The following KCTD9 variants were observed in gnomAD, a reference collection of about 807,000 sequenced individuals.
The protein encoded by KCTD9 is BTB/POZ domain-containing protein KCTD9.
A neutral mutation model predicts 53.3 loss-of-function variants in KCTD9; 17 were observed. The observed-to-expected ratio is 0.32, with a 90% CI of 0.22 to 0.48. The LOEUF is 0.48. Among genes scored for constraint, KCTD9 ranks in the 20% least tolerant of loss-of-function variants. The pLI is 0.99. For missense variants in KCTD9, 179 were observed against 465.5 expected (o/e 0.38, Z 5.66); for synonymous variants, 128 against 162.7 (o/e 0.79, Z 1.62).
intron 1 of KCTD9, among the ~76,000 whole-genome samples, chr8:25,453,515 T>C (rs1802373092): frequency 6.6e-6 from 1 of 151,440 alleles, no homozygotes. Flanking sequence ...TAGCCAGGTA[T>C]GGTGGCGGGC....
At chr8:25,433,991 T>C (rs1483381324) in intron 9 of KCTD9, among the ~76,000 whole-genome samples, 3 of 152,226 alleles carry the variant, frequency 2.0e-5, no homozygotes, top group Non-Finnish European at 2.9e-5. Context: ...GCTGGGTCTT[T>C]CTGCACCAAC....
At chr8:25,435,542 T>TAACTA (rs1802001097) in intron 8 of KCTD9, 30 bp from the exon 9 acceptor site, 1 of 1,570,234 alleles carries the variant, frequency 6.4e-7, no homozygotes, top group African/African-American at 1.4e-5. Flanking sequence ...ATTGTCACCA[T>TAACTA]AACTAAATCG....
At position 25,428,523 on chromosome 8, in the gene KCTD9, A is replaced by G. The variant is rs1257897921; in HGVS notation, c.*1334T>C. ...GATGAGTCTGTAGAATTCAGAACCCATTTGGACACAGCTAATATCCCTGCT... is the reference window on the plus strand; with the variant it reads ...GATGAGTCTGTAGAATTCAGAACCCGTTTGGACACAGCTAATATCCCTGCT... On this transcript the variant is annotated 3_prime_UTR_variant, in exon 12 of 12. Coordinates refer to ENST00000221200, the MANE Select transcript of KCTD9 (RefSeq NM_017634.4). The G allele has an allele frequency of 6.6e-6, 1 of 152,530 alleles. No homozygotes were observed. The highest frequency in any genetic ancestry group is 2.4e-5 in the African/African-American group (1 of 41,424). The allele number at this position is 152,530 out of a possible 1,614,324, so 9.4% of individuals were successfully genotyped here.
rs1281150056 is a variant in KCTD9 at position 25,456,770 on chromosome 8, AT to A, written c.48+1428del. On this transcript the variant is annotated intron_variant, in intron 1 of 11. Transcript: ENST00000221200. ...AATTTTTGACAACCAAATTGAGTGGATTTGGGAGAGATTTAGAGCAAAAATA... is the reference window on the plus strand; with the variant it reads ...AATTTTTGACAACCAAATTGAGTGGATTGGGAGAGATTTAGAGCAAAAATA... 5.3e-5 allele frequency among the ~76,000 whole-genome samples: 8 copies of A among 152,324 alleles called. No individual in the cohort carries two copies. In the South Asian group the frequency reaches 6.2e-4, roughly 12 times the overall value.
chr8:25,433,469 G>A, intron 9 of KCTD9, 34 bp from the exon 10 acceptor site: 2 of 1,316,418 alleles, frequency 1.5e-6, no homozygotes, highest in South Asian at 1.4e-5. Context: ...TGGTTGTAAG[G>A]TTCATAATTT....
chr8:25,444,119 T>G (rs562201022), intron 3 of KCTD9, among the ~76,000 whole-genome samples, 173 bp downstream of exon 3: 4 of 152,244 alleles, frequency 2.6e-5, no homozygotes, highest in African/African-American at 9.6e-5. Flanking sequence ...TACGATCATA[T>G]AGTAAAAAAT....
chr8:25,444,466 G>A, intron 2 of KCTD9, 131 bp from the exon 3 acceptor site: 2 of 762,260 alleles, frequency 2.6e-6, no homozygotes, highest in Non-Finnish European at 4.1e-6. Context: ...CTGCAAAGAA[G>A]CTAAGTTTCC....
chr8:25,436,550 T>A, intron 6 of KCTD9, 65 bp from the exon 7 acceptor site: 1 of 960,276 alleles, frequency 1.0e-6, no homozygotes, highest in Non-Finnish European at 1.6e-6. Flanking sequence ...CATTTTGAAT[T>A]TACTAAAATA....
intron 9 of KCTD9, among the ~76,000 whole-genome samples, chr8:25,434,657 A>T (rs1801987328): frequency 6.6e-6 from 1 of 152,164 alleles, no homozygotes; most frequent in Admixed American, 6.5e-5. Flanking sequence ...TCATGGAAAA[A>T]TAAGCTGCAG....
intron 4 of KCTD9, 155 bp downstream of exon 4, chr8:25,440,422 T>C: frequency 1.7e-6 from 1 of 594,032 alleles, no homozygotes; most frequent in Non-Finnish European, 3.0e-6. Context: ...ACCATGTTTT[T>C]TTCTTCAAAA....
intron 11 of KCTD9, 142 bp from the exon 12 acceptor site, chr8:25,430,115 C>CA (rs1801899395): frequency 7.8e-6 from 5 of 640,962 alleles, no homozygotes; most frequent in Non-Finnish European, 1.4e-5. Flanking sequence ...ACTGATGATA[C>CA]ACCACCCTAA....
At chr8:25,437,328 G>A (rs562728827) in intron 6 of KCTD9, among the ~76,000 whole-genome samples, 148 of 152,262 alleles carry the variant, frequency 9.7e-4, no homozygotes, top group African/African-American at 3.2e-3. Flanking sequence ...ATGCAGCCAG[G>A]ATACGTTTCC....
chr8:25,440,528 C>T lies in KCTD9; in HGVS notation c.311+49G>A, dbSNP rs773692863. On this transcript the variant is annotated intron_variant, in intron 4 of 11. Coordinates refer to ENST00000221200, the MANE Select transcript of KCTD9 (RefSeq NM_017634.4). Reference sequence around the variant, plus strand: ...AGCAAATTGAAGAACAAAGGGTACACAGTGCTTCTTTTGCATTCTCTTTCT... The same window carrying T: ...AGCAAATTGAAGAACAAAGGGTACATAGTGCTTCTTTTGCATTCTCTTTCT... 18 of 1,178,158 alleles carry T rather than the reference C, an allele frequency of 1.5e-5. No individual in the cohort carries two copies. The South Asian group carries it at 2.1e-4, about 14-fold the overall frequency. The allele number at this position is 1,178,158 out of a possible 1,614,324, so 73.0% of individuals were successfully genotyped here.
intron 2 of KCTD9, among the ~76,000 whole-genome samples, chr8:25,444,590 G>A (rs970154116): frequency 2.0e-5 from 3 of 152,108 alleles, no homozygotes; most frequent in Admixed American, 1.3e-4. Flanking sequence ...TTACACAAAC[G>A]ATGTTGAGTT....
intron 6 of KCTD9, 49 bp downstream of exon 6, chr8:25,439,229 CA>C (rs1802074068): frequency 1.5e-6 from 2 of 1,375,576 alleles, no homozygotes; most frequent in Admixed American, 2.2e-5. Flanking sequence ...CTTAAACTTA[CA>C]AAAATGTGAG....
intron 6 of KCTD9, among the ~76,000 whole-genome samples, chr8:25,438,303 TC>T (rs1276243970): frequency 3.2e-4 from 42 of 132,588 alleles, no homozygotes; most frequent in Non-Finnish European, 5.6e-4. Context: ...TCAAATAATA[TC>T]TTTTTTTTTT....
intron 1 of KCTD9, among the ~76,000 whole-genome samples, chr8:25,447,428 C>T (rs1273363510): frequency 6.6e-6 from 1 of 152,098 alleles, no homozygotes; most frequent in African/African-American, 2.4e-5. Context: ...GAGCTAAACA[C>T]GAAGCACAGT....
At chr8:25,430,837 AC>A (rs1801914711) in intron 11 of KCTD9, among the ~76,000 whole-genome samples, 1 of 143,134 alleles carries the variant, frequency 7.0e-6, no homozygotes, top group Non-Finnish European at 1.5e-5. Context: ...ACACACACAC[AC>A]ACACAATTTT....
At chr8:25,433,614 C>T (rs868696728) in intron 9 of KCTD9, among the ~76,000 whole-genome samples, 179 bp from the exon 10 acceptor site, 10 of 152,194 alleles carry the variant, frequency 6.6e-5, no homozygotes, top group Middle Eastern at 3.4e-3. Context: ...GAACTGGGAA[C>T]ATTTGAAAGA....
Sources: gnomAD v4.1 joint callset for allele counts (sites outside exome capture counted in the v4.1 genomes callset) on GRCh38, gnomAD v4.1.1 for gene constraint, MANE v1.5 for transcripts, NCBI Gene and HGNC (gene_info 2026-07-23, HGNC 2026-07-21) for gene names.